The following SORCS3 variants were observed in gnomAD, a reference collection of about 807,000 sequenced individuals.
SORCS3 encodes sortilin related VPS10 domain containing receptor 3.
Under a neutral mutation model 146.3 loss-of-function variants are expected in SORCS3, and 57 were observed. The ratio of observed to expected loss-of-function variants is 0.39; its 90% CI spans 0.31 to 0.49. SORCS3 has a LOEUF of 0.49. Among genes scored for constraint, SORCS3 ranks in the 20% least tolerant of loss-of-function variants. SORCS3 has a pLI of 0.92. For synonymous variants in SORCS3, 653 were observed against 618.5 expected, an observed-to-expected ratio of 1.06 and a Z score of -0.83; for missense variants, 1,341 against 1,575.5, an observed-to-expected ratio of 0.85 and a Z score of 2.52.
chr10:105,223,218 C>A lies in SORCS3; in HGVS notation c.2837C>A (p.Thr946Asn), dbSNP rs201130824. ...TGGCCCAGTCAACTGGGGACCCTTA[C>A]CTATTTCTGGTGGTTCGGCAATAGC... ...VVWPSQLGTL[T>N]YFWWFGNSTK... The change falls in exon 20 of 27, where the codon ACC becomes AAC. Residue 946 changes from threonine (T) to asparagine (N), a missense_variant. Transcript: ENST00000369701. 1 of 1,612,434 alleles carries A rather than the reference C, an allele frequency of 6.2e-7. No individual in the cohort carries two copies. The highest frequency in any genetic ancestry group is 1.3e-5 in the African/African-American group (1 of 74,996).
chr10:104,692,530 A>G (rs2016126395), intron 1 of SORCS3, among the ~76,000 whole-genome samples: 1 of 152,166 alleles, frequency 6.6e-6, no homozygotes, highest in African/African-American at 2.4e-5. Context: ...CTGCACTGGG[A>G]TGGGCATACA....
intron 14 of SORCS3, among the ~76,000 whole-genome samples, chr10:105,191,733 G>A (rs1478227660): frequency 6.6e-6 from 1 of 152,052 alleles, no homozygotes; most frequent in Non-Finnish European, 1.5e-5. Context: ...ATTCTCATAA[G>A]GAATGCACAA....
chr10:104,781,572 A>T (rs184880933), intron 1 of SORCS3, among the ~76,000 whole-genome samples: 1 of 152,370 alleles, frequency 6.6e-6, no homozygotes, highest in African/African-American at 2.4e-5. Context: ...GAAAACACAC[A>T]CAAATATGTG....
At chr10:104,665,784 T>A (rs1447894249) in intron 1 of SORCS3, 1 of 152,222 alleles carries the variant, frequency 6.6e-6, no homozygotes, top group African/African-American at 2.4e-5. Context: ...TGGCTATTAT[T>A]TTTCTGGTAA....
At chr10:104,912,602 C>T (rs1383396305) in intron 2 of SORCS3, among the ~76,000 whole-genome samples, 1 of 152,222 alleles carries the variant, frequency 6.6e-6, no homozygotes, top group African/African-American at 2.4e-5. Context: ...TGGTTAAAAA[C>T]TTGTGAGTAG....
chr10:104,667,212 G>A (rs1007878287), intron 1 of SORCS3, among the ~76,000 whole-genome samples: 1 of 152,166 alleles, frequency 6.6e-6, no homozygotes, highest in Non-Finnish European at 1.5e-5. Context: ...GGACTTAGAC[G>A]TGCAAGGCAC....
chr10:105,244,888 G>A (rs1370525428), intron 20 of SORCS3, among the ~76,000 whole-genome samples: 1 of 151,942 alleles, frequency 6.6e-6, no homozygotes, highest in Non-Finnish European at 1.5e-5. Flanking sequence ...GGGCAACACG[G>A]TGAAACCCCA....
chr10:104,865,853 C>T (rs1051192581), intron 2 of SORCS3, among the ~76,000 whole-genome samples: 1 of 152,186 alleles, frequency 6.6e-6, no homozygotes, highest in Admixed American at 6.5e-5. Context: ...GTGGGAGGCT[C>T]ATGCTTTCTT....
intron 1 of SORCS3, among the ~76,000 whole-genome samples, chr10:104,809,594 C>G (rs1374901269): frequency 6.6e-6 from 1 of 152,186 alleles, no homozygotes; most frequent in African/African-American, 2.4e-5. Context: ...GCTCAAGTTA[C>G]AACAGGAAAT....
At chr10:105,210,475 G>C (rs1199930687) in intron 16 of SORCS3, among the ~76,000 whole-genome samples, 1 of 152,084 alleles carries the variant, frequency 6.6e-6, no homozygotes, top group African/African-American at 2.4e-5. Context: ...CCAAGAAGTA[G>C]GGAAGCACTG....
chr10:105,137,311 G>A (rs1337955840), intron 7 of SORCS3, among the ~76,000 whole-genome samples: 3 of 152,150 alleles, frequency 2.0e-5, no homozygotes, highest in East Asian at 1.9e-4. Context: ...CATATGATAG[G>A]TGACCAGATG....
At chr10:104,984,111 C>G (rs1380319755) in intron 4 of SORCS3, among the ~76,000 whole-genome samples, 4 of 152,014 alleles carry the variant, frequency 2.6e-5, no homozygotes, top group Non-Finnish European at 4.4e-5. Context: ...TTCATGCAGA[C>G]AAACTAGGAA....
chr10:105,155,643 C>T (rs1436325145), intron 9 of SORCS3, among the ~76,000 whole-genome samples: 5 of 152,182 alleles, frequency 3.3e-5, no homozygotes, highest in Admixed American at 2.6e-4. Context: ...CTCATAGTCC[C>T]TAGATGAGCA....
chr10:104,875,429 T>C (rs920753957), intron 2 of SORCS3, among the ~76,000 whole-genome samples: 1 of 152,214 alleles, frequency 6.6e-6, no homozygotes, highest in Non-Finnish European at 1.5e-5. Context: ...TTTTCTCATC[T>C]GCACAATGAG....
intron 1 of SORCS3, among the ~76,000 whole-genome samples, chr10:104,759,083 G>A (rs1203571538): frequency 6.6e-6 from 1 of 152,160 alleles, no homozygotes; most frequent in Non-Finnish European, 1.5e-5. Context: ...GATCCAGTAG[G>A]ACTGATGTCC....
intron 13 of SORCS3, 46 bp from the exon 14 acceptor site, chr10:105,178,020 G>A (rs2056418488): frequency 1.4e-6 from 2 of 1,411,644 alleles, no homozygotes; most frequent in East Asian, 2.3e-5. Context: ...AGAAGAGTGT[G>A]GCTTTATTTT....
intron 1 of SORCS3, among the ~76,000 whole-genome samples, chr10:104,646,732 G>T (rs1389463030): frequency 6.6e-6 from 1 of 152,202 alleles, no homozygotes; most frequent in African/African-American, 2.4e-5. Flanking sequence ...GGATTCTGCA[G>T]TAAGTTTGAA....
intron 3 of SORCS3, among the ~76,000 whole-genome samples, chr10:104,970,702 A>C (rs2054855963): frequency 6.6e-6 from 1 of 152,230 alleles, no homozygotes; most frequent in Admixed American, 6.5e-5. Context: ...ACTTATTTCA[A>C]TGAAGCCAAA....
At chr10:105,034,380 G>C (rs2055291783) in intron 4 of SORCS3, among the ~76,000 whole-genome samples, 1 of 152,136 alleles carries the variant, frequency 6.6e-6, no homozygotes, top group South Asian at 2.1e-4. Context: ...GAAACTAAAT[G>C]GGAACCAATG....
Sources: allele counts gnomAD v4.1 joint callset (sites outside exome capture counted in the v4.1 genomes callset), GRCh38; gene constraint gnomAD v4.1.1; transcripts MANE v1.5; gene names NCBI Gene and HGNC (gene_info 2026-07-23, HGNC 2026-07-21).